Variants in SARM1 observed in about 807,000 individuals in gnomAD.
The protein encoded by SARM1 is NAD(+) hydrolase SARM1.
In SARM1, 60 loss-of-function variants were observed where a neutral mutation model predicts 65.1. That is an observed-to-expected ratio of 0.92 (90% CI 0.75 to 1.14). SARM1 has a LOEUF of 1.14. Ranked by LOEUF, SARM1 falls within the 50% of genes most tolerant of loss-of-function variation. The pLI, the probability that SARM1 is intolerant of heterozygous loss-of-function variation, is 0.00. For missense variants in SARM1, 913 were observed against 1,015.7 expected (o/e 0.90, Z 1.37); for synonymous variants, 417 against 465.4 (o/e 0.90, Z 1.34).
intron 1 of SARM1, among the ~76,000 whole-genome samples, chr17:28,377,468 G>A (rs782443847): frequency 1.9e-4 from 29 of 152,208 alleles, no homozygotes; most frequent in Non-Finnish European, 3.7e-4. Context: ...GCCAGACATG[G>A]TGGTACATGC....
Position 28,385,257 on chromosome 17 carries a change from A to C in SARM1, c.1612A>C (p.Ile538Leu), listed in dbSNP as rs1555585876. ...GIHLGVHRARILTAAREMLHS... is the reference protein window; with the variant it reads ...GIHLGVHRARLLTAAREMLHS... ...CCACCTGGGCGTGCACCGCGCCCGC[A>C]TCCTCACGGCGGCCAGAGGTCAGCC... The change falls in exon 5 of 9, where the codon ATC becomes CTC. Residue 538 changes from isoleucine to leucine, a missense_variant. Around this residue, in one of 3 missense-constraint regions of SARM1, gnomAD observed 862 missense variants for 952.1 expected, o/e 0.91. Transcript: ENST00000585482. The surrounding 1 kb of genome is among the most constrained non-coding windows in gnomAD (Gnocchi z 4.5). 6.4e-7 allele frequency: 1 copy of C among 1,564,274 alleles called. No homozygotes were observed. Among genetic ancestry groups the C allele is most frequent in the South Asian group, 1.2e-5 (1 of 86,536 alleles).
In SARM1 at chr17:28,396,494, A is replaced by C; in HGVS notation, c.*208A>C. ...GAGGGAAGGGAAGTCAGGCTTGGGCACGGGAGGTTAGAACTCCCCCAGGCC... is the reference window on the plus strand; with the variant it reads ...GAGGGAAGGGAAGTCAGGCTTGGGCCCGGGAGGTTAGAACTCCCCCAGGCC... On this transcript the variant is annotated 3_prime_UTR_variant, in exon 9 of 9. Transcript: ENST00000585482. The C allele has an allele frequency of 1.6e-6, 1 of 616,250 alleles. No homozygotes were observed. The highest frequency in any genetic ancestry group is 2.8e-6 in the Non-Finnish European group (1 of 357,434). 38.2% of individuals were successfully genotyped at this position (616,250 alleles called of 1,614,324 possible).
chr17:28,381,089 C>T, intron 1 of SARM1, 114 bp from the exon 2 acceptor site: 4 of 1,272,348 alleles, frequency 3.1e-6, no homozygotes, highest in Non-Finnish European at 3.2e-6. Flanking sequence ...GAATGCTCTC[C>T]CCTATATGAG....
In SARM1 at chr17:28,396,612, TCTC is replaced by T; in HGVS notation, c.*329_*331del. 3.3e-6 allele frequency: 1 copy of T among 302,476 alleles called. No individual in the cohort carries two copies. The highest frequency in any genetic ancestry group is 6.2e-6 in the Non-Finnish European group (1 of 160,372). The allele number at this position is 302,476 out of a possible 1,614,324, so 18.7% of individuals were successfully genotyped here. A position where few individuals can be genotyped will look rare whatever the true frequency, so the allele number is the denominator to read the frequency against. ...GGGTGGGGGTGGTTCTGCATTCCCT[TCTC>T]CTGCTGATAGCAGTCAGCTTGAGGA... On this transcript the variant is annotated 3_prime_UTR_variant, in exon 9 of 9. Coordinates refer to ENST00000585482, the MANE Select transcript of SARM1 (RefSeq NM_015077.4).
chr17:28,395,800 G>T (rs1252356861), intron 7 of SARM1, 105 bp from the exon 8 acceptor site: 1 of 1,304,754 alleles, frequency 7.7e-7, no homozygotes, highest in African/African-American at 1.4e-5. Flanking sequence ...CTGGTGTCCT[G>T]CCCTGGGCCC....
At position 28,372,431 on chromosome 17, in the gene SARM1, G is replaced by A; in HGVS notation, c.399G>A (p.Leu133=). The change falls in exon 1 of 9, where the codon CTG becomes CTA. Residue 133 remains leucine (L), a synonymous_variant. Transcript: ENST00000585482. This position sits in a 1 kb window ranked among gnomAD's most constrained non-coding sequence, Gnocchi z 5.2. The part of the protein sequence containing the change: ...DGGLDLLLRL[L]QAPELETRVQ... ...GCCTCGACCTGCTGTTGCGGCTGCT[G>A]CAGGCGCCGGAGTTGGAGACGCGTG... The A allele has an allele frequency of 6.5e-7, 1 of 1,530,322 alleles. No homozygotes were observed. Among genetic ancestry groups the A allele is most frequent in the Non-Finnish European group, 8.7e-7 (1 of 1,145,194 alleles). 94.8% of individuals were successfully genotyped at this position (1,530,322 alleles called of 1,614,324 possible).
At chr17:28,394,363 T>C (rs1555587331) in intron 7 of SARM1, among the ~76,000 whole-genome samples, 1 of 152,006 alleles carries the variant, frequency 6.6e-6, no homozygotes. Context: ...AAGTAAGGAG[T>C]ACAATTGGCA....
At chr17:28,393,765 G>A (rs2068093576) in intron 7 of SARM1, among the ~76,000 whole-genome samples, 1 of 152,126 alleles carries the variant, frequency 6.6e-6, no homozygotes. Flanking sequence ...TAACTATAAG[G>A]GCTTTGTGAA....
At chr17:28,383,212 A>G (rs1229064860) in intron 2 of SARM1, among the ~76,000 whole-genome samples, 2 of 152,168 alleles carry the variant, frequency 1.3e-5, no homozygotes, top group East Asian at 1.9e-4. Flanking sequence ...TGTCCCTACT[A>G]AAAATACAAA....
rs2068174376 is a variant in SARM1, at chr17:28,399,798, G to C, written c.*3512G>C. ...GAGAAGTGACACAGGATTTACTGGG[G>C]TGGGCTGGTCCAGGTAGCTCTCCTG... On this transcript the variant is annotated 3_prime_UTR_variant, in exon 9 of 9. Transcript: ENST00000585482. 6.9e-7 allele frequency: 1 copy of C among 1,453,588 alleles called. No homozygotes were observed. The highest frequency in any genetic ancestry group is 1.2e-5 in the South Asian group (1 of 86,590). The allele number at this position is 1,453,588 out of a possible 1,614,324, so 90.0% of individuals were successfully genotyped here. A position where few individuals can be genotyped will look rare whatever the true frequency, so the allele number is the denominator to read the frequency against.
At chr17:28,394,442 T>G (rs2068097833) in intron 7 of SARM1, among the ~76,000 whole-genome samples, 1 of 152,096 alleles carries the variant, frequency 6.6e-6, no homozygotes, top group African/African-American at 2.4e-5. Context: ...TTGTTTGGGG[T>G]TTTTCCCACA....
At chr17:28,389,915 G>C (rs906119023) in intron 7 of SARM1, among the ~76,000 whole-genome samples, 2 of 152,262 alleles carry the variant, frequency 1.3e-5, no homozygotes, top group South Asian at 4.1e-4. Context: ...TGCTGAGCCA[G>C]GTAAGCAAAC....
In SARM1 at chr17:28,400,585, G is replaced by A. The variant is rs1048095279; in HGVS notation, c.*4299G>A. On this transcript the variant is annotated 3_prime_UTR_variant, in exon 9 of 9. Transcript: ENST00000585482. ...TTTAAGAGAAAGGGCTCCATTATGA[G>A]CATGGGTTCAGGGCCCTGCATTACC... 8.1e-6 allele frequency: 13 copies of A among 1,613,020 alleles called. No homozygotes were observed. The East Asian group carries it at 2.9e-4, about 36-fold the overall frequency.
In SARM1 at chr17:28,384,475, G is replaced by A. The variant is rs782706244; in HGVS notation, c.1208G>A (p.Arg403Gln). 6.8e-6 allele frequency: 11 copies of A among 1,613,690 alleles called. No homozygotes were observed. The highest frequency in any genetic ancestry group is 1.1e-5 in the South Asian group (1 of 91,052). ...ALRLLGEEVPRPILPSVPSWK... is the reference protein window; with the variant it reads ...ALRLLGEEVPQPILPSVPSWK... ...CGCCTGCTGGGCGAGGAGGTGCCACGGCCCATCCTGCCCTCCGTGCCCAGC... is the reference window on the plus strand; with the variant it reads ...CGCCTGCTGGGCGAGGAGGTGCCACAGCCCATCCTGCCCTCCGTGCCCAGC... Residue 403 changes from arginine (R) to glutamine (Q), a missense_variant, in exon 3 of 9, where the codon CGG becomes CAG. Around this residue, in one of 3 missense-constraint regions of SARM1, gnomAD observed 862 missense variants for 952.1 expected, o/e 0.91. Coordinates refer to ENST00000585482, the MANE Select transcript of SARM1 (RefSeq NM_015077.4). The surrounding 1 kb of genome is among the most constrained non-coding windows in gnomAD (Gnocchi z 4.4).
intron 1 of SARM1, 61 bp from the exon 2 acceptor site, chr17:28,381,142 G>A: frequency 6.6e-7 from 1 of 1,522,120 alleles, no homozygotes. Flanking sequence ...GCCCCAAACG[G>A]GCAAGCCAAG....
At chr17:28,391,172 G>A (rs1266672023) in intron 7 of SARM1, among the ~76,000 whole-genome samples, 2 of 152,160 alleles carry the variant, frequency 1.3e-5, no homozygotes, top group Non-Finnish European at 2.9e-5. Context: ...CAGCCATGGT[G>A]GGAGTATTTA....
At chr17:28,375,394 C>G (rs553757106) in intron 1 of SARM1, among the ~76,000 whole-genome samples, 39 of 151,770 alleles carry the variant, frequency 2.6e-4, no homozygotes, top group Non-Finnish European at 5.0e-4. Flanking sequence ...GTCAGGAGTT[C>G]GAGACCACTC....
chr17:28,391,692 T>C (rs2068080356), intron 7 of SARM1, among the ~76,000 whole-genome samples: 2 of 135,994 alleles, frequency 1.5e-5, no homozygotes, highest in Non-Finnish European at 3.1e-5. Flanking sequence ...CAAAGGAGGC[T>C]CTATGCAATT....
chr17:28,382,724 G>A (rs2068030481), intron 2 of SARM1, among the ~76,000 whole-genome samples: 1 of 152,198 alleles, frequency 6.6e-6, no homozygotes, highest in Non-Finnish European at 1.5e-5. Context: ...TTTGTGGATT[G>A]TACTTTTTGG....
Sources: allele counts gnomAD v4.1 joint callset (sites outside exome capture counted in the v4.1 genomes callset), GRCh38; gene constraint gnomAD v4.1.1; regional missense constraint gnomAD v4.1.1; non-coding constraint Gnocchi (gnomAD v3.1); transcripts MANE v1.5; gene names NCBI Gene and HGNC (gene_info 2026-07-23, HGNC 2026-07-21).